The following ZNF385D variants were observed in gnomAD, a reference collection of about 807,000 sequenced individuals.
ZNF385D encodes the protein zinc finger protein 385D.
ZNF385D carries 15 observed loss-of-function variants against 35.8 expected under a neutral mutation model. The observed-to-expected ratio is 0.42, with a 90% CI of 0.28 to 0.64. The LOEUF is 0.64. Ranked by LOEUF, ZNF385D falls within the 30% of genes least tolerant of loss-of-function variation. ZNF385D has a pLI of 0.23. For missense variants in ZNF385D, 474 were observed against 494.6 expected, an observed-to-expected ratio of 0.96 and a Z score of 0.39; for synonymous variants, 212 against 186.8, an observed-to-expected ratio of 1.13 and a Z score of -1.10.
chr3:22,143,187 A>G (rs1284471650), intron 3 of ZNF385D, among the ~76,000 whole-genome samples: 1 of 150,978 alleles, frequency 6.6e-6, no homozygotes, highest in Admixed American at 6.6e-5. Flanking sequence ...AGTTCACTCC[A>G]TTCTCCTGCC....
intron 3 of ZNF385D, among the ~76,000 whole-genome samples, chr3:21,782,050 T>C (rs4525889): frequency 0.43 from 65,571 of 151,956 alleles, 14,938 homozygotes; most frequent in East Asian, 0.8. Context: ...ATATGCTTTG[T>C]TCCTCCTCTG....
At chr3:22,226,291 T>C (rs1698554150) in intron 2 of ZNF385D, among the ~76,000 whole-genome samples, 1 of 152,098 alleles carries the variant, frequency 6.6e-6, no homozygotes, top group African/African-American at 2.4e-5. Context: ...ATAAACGCAC[T>C]TGGATGCATG....
rs372282271 is a variant in ZNF385D at position 22,363,436 on chromosome 3, G to A, written c.106+9014C>T. ...CTAGAAATTAAAATGTTTGAAGCTG[G>A]ACAAGGAGGCATCCAATAACTAAAC... On this transcript the variant is annotated intron_variant, in intron 2 of 5. Transcript: ENST00000494108. Among the ~76,000 whole-genome samples, 67 of 152,260 alleles carry A rather than the reference G, an allele frequency of 4.4e-4. No individual in the cohort carries two copies. The South Asian group carries it at 0.012, about 28-fold the overall frequency.
At chr3:21,695,757 TTATA>T (rs140836853) in intron 1 of ZNF385D, among the ~76,000 whole-genome samples, 1 of 149,556 alleles carries the variant, frequency 6.7e-6, no homozygotes, top group South Asian at 2.1e-4. Context: ...TAAATATATA[TTATA>T]TATATATATA....
chr3:21,869,527 C>A (rs1229630781), intron 3 of ZNF385D, among the ~76,000 whole-genome samples: 1 of 152,000 alleles, frequency 6.6e-6, no homozygotes, highest in Non-Finnish European at 1.5e-5. Flanking sequence ...CAGTAAAGCC[C>A]ACTAAGTTGA....
At chr3:21,881,430 A>G (rs192133503) in intron 3 of ZNF385D, among the ~76,000 whole-genome samples, 1 of 152,098 alleles carries the variant, frequency 6.6e-6, no homozygotes, top group Admixed American at 6.6e-5. Flanking sequence ...ATGACAGCAC[A>G]TCTGTTTACA....
chr3:21,871,127 T>C (rs1031196429), intron 3 of ZNF385D, among the ~76,000 whole-genome samples: 6 of 152,162 alleles, frequency 3.9e-5, no homozygotes, highest in Non-Finnish European at 8.8e-5. Flanking sequence ...TTGCTTGCTT[T>C]ATTCTGGCAG....
At chr3:21,965,667 G>A (rs990439101) in intron 3 of ZNF385D, among the ~76,000 whole-genome samples, 24 of 152,118 alleles carry the variant, frequency 1.6e-4, no homozygotes, top group African/African-American at 5.1e-4. Context: ...CAGAACAACT[G>A]ACAAATTTAA....
chr3:21,815,410 A>C (rs1304987168), intron 3 of ZNF385D, among the ~76,000 whole-genome samples: 2 of 152,192 alleles, frequency 1.3e-5, no homozygotes, highest in Admixed American at 6.5e-5. Flanking sequence ...TTTTTTGAAA[A>C]GATCAACAAA....
intron 4 of ZNF385D, among the ~76,000 whole-genome samples, chr3:21,458,122 C>T (rs1702933679): frequency 6.6e-6 from 1 of 151,984 alleles, no homozygotes; most frequent in Non-Finnish European, 1.5e-5. Context: ...AGAATTTAAA[C>T]TCCCAGGCAT....
rs182256454 is a variant in ZNF385D at position 21,418,269 on chromosome 3, T to C, written c.*2945A>G. On this transcript the variant is annotated 3_prime_UTR_variant, in exon 8 of 8. Transcript: ENST00000281523. The stretch of plus-strand genomic sequence containing the variant: ...CTCAGGGATTTTCACAGCACACTGC[T>C]GACCAATCTAAATTGTGGATCTTTA... 28 of 152,308 alleles carry C rather than the reference T, an allele frequency of 1.8e-4. No homozygotes were observed. Among genetic ancestry groups the C allele is most frequent in the African/African-American group, 6.5e-4 (27 of 41,592 alleles). The allele number at this position is 152,308 out of a possible 1,614,324, so 9.4% of individuals were successfully genotyped here. A position where few individuals can be genotyped will look rare whatever the true frequency, so the allele number is the denominator to read the frequency against.
intron 4 of ZNF385D, among the ~76,000 whole-genome samples, chr3:21,455,921 C>T (rs1249085036): frequency 7.9e-5 from 12 of 152,012 alleles, no homozygotes; most frequent in African/African-American, 2.2e-4. Context: ...AAAAAGTGAG[C>T]GAAGGATATG....
intron 3 of ZNF385D, among the ~76,000 whole-genome samples, chr3:22,126,890 A>T (rs1703464842): frequency 6.6e-6 from 1 of 152,116 alleles, no homozygotes; most frequent in Non-Finnish European, 1.5e-5. Flanking sequence ...TTGGTATATC[A>T]TCTTGATGAA....
intron 1 of ZNF385D, among the ~76,000 whole-genome samples, chr3:21,711,942 AT>A (rs1483918883): frequency 6.6e-6 from 1 of 152,234 alleles, no homozygotes; most frequent in African/African-American, 2.4e-5. Flanking sequence ...ACACACAATT[AT>A]GTAAATGTCA....
intron 3 of ZNF385D, among the ~76,000 whole-genome samples, chr3:22,144,964 CAT>C (rs1276586584): frequency 6.6e-6 from 1 of 151,596 alleles, no homozygotes; most frequent in Non-Finnish European, 1.5e-5. Flanking sequence ...AATAGGTAAT[CAT>C]AATCAAGACA....
chr3:21,931,888 G>A (rs541937305), intron 3 of ZNF385D, among the ~76,000 whole-genome samples: 6 of 152,074 alleles, frequency 3.9e-5, no homozygotes, highest in Admixed American at 1.3e-4. Flanking sequence ...GAGGCCGGGC[G>A]CGGTGGCTCA....
chr3:22,243,526 A>T (rs1380684852), intron 2 of ZNF385D, among the ~76,000 whole-genome samples: 1 of 151,090 alleles, frequency 6.6e-6, no homozygotes, highest in African/African-American at 2.4e-5. Flanking sequence ...TAAGATGCTA[A>T]ATACTGTGTT....
intron 3 of ZNF385D, among the ~76,000 whole-genome samples, chr3:21,548,699 G>C (rs1263961916): frequency 2.6e-5 from 4 of 152,158 alleles, no homozygotes; most frequent in African/African-American, 9.7e-5. Context: ...CTTCTGTATT[G>C]TGTGCAGAAC....
chr3:21,973,939 AGGTAT>A (rs1703434088), intron 3 of ZNF385D, among the ~76,000 whole-genome samples: 1 of 152,108 alleles, frequency 6.6e-6, no homozygotes, highest in Non-Finnish European at 1.5e-5. Flanking sequence ...AAAAATGAAA[AGGTAT>A]TCTATGTTCA....
Sources: allele counts gnomAD v4.1 joint callset (sites outside exome capture counted in the v4.1 genomes callset), GRCh38; gene constraint gnomAD v4.1.1; transcripts MANE v1.5; gene names NCBI Gene and HGNC (gene_info 2026-07-23, HGNC 2026-07-21).